Variants in OGA observed in about 807,000 individuals in gnomAD.
OGA encodes protein O-GlcNAcase.
Under a neutral mutation model 102.0 loss-of-function variants are expected in OGA, and 21 were observed. The observed-to-expected ratio is 0.21, with a 90% confidence interval of 0.15 to 0.30. OGA has a LOEUF of 0.30. OGA is among the 10% of genes least tolerant of loss of function. OGA has a pLI of 1.00. For synonymous variants in OGA, 408 were observed against 378.2 expected (o/e 1.08, Z -0.91); for missense variants, 765 against 1,107.8 (o/e 0.69, Z 4.39).
At chr10:101,815,871 A>G (rs2135102192) in intron 1 of OGA, among the ~76,000 whole-genome samples, 1 of 151,758 alleles carries the variant, frequency 6.6e-6, no homozygotes, top group Admixed American at 6.6e-5. Flanking sequence ...TGTGATGGAA[A>G]GAAAACAAAA....
At chr10:101,802,173 G>C (rs781453109) in intron 7 of OGA, among the ~76,000 whole-genome samples, 7 of 151,854 alleles carry the variant, frequency 4.6e-5, no homozygotes, top group Non-Finnish European at 8.8e-5. Flanking sequence ...TCAGTGTTCA[G>C]TGTTTTTAAC....
intron 1 of OGA, among the ~76,000 whole-genome samples, chr10:101,817,617 G>C (rs1012873567): frequency 3.9e-5 from 6 of 152,276 alleles, no homozygotes; most frequent in Admixed American, 3.9e-4. Flanking sequence ...GGTCAGACTT[G>C]TGAGTGGCCA....
In OGA at chr10:101,803,802, A is replaced by G; in HGVS notation, c.969T>C (p.Val323=). 6.2e-7 allele frequency: 1 copy of G among 1,614,170 alleles called. No individual in the cohort carries two copies. The highest frequency in any genetic ancestry group is 8.5e-7 in the Non-Finnish European group (1 of 1,179,994). The change falls in exon 7 of 16, where the codon GTT becomes GTC. Residue 323 remains valine (V), a synonymous_variant. Transcript: ENST00000361464. ...NPNCEFEANY[V]AIHTLATWYK... ...ACCAGGTGGCAAGGGTGTGGATAGC[A>G]ACGTAGTTGGCTTCAAATTCACAAT...
chr10:101,807,764 T>C lies in OGA; in HGVS notation c.618A>G (p.Leu206=). The C allele has an allele frequency of 6.2e-7, 1 of 1,607,608 alleles. No homozygotes were observed. The highest frequency in any genetic ancestry group is 8.5e-7 in the Non-Finnish European group (1 of 1,177,886). The change falls in exon 5 of 16, where the codon CTA becomes CTG. Residue 206 remains leucine (L), a synonymous_variant. Coordinates refer to ENST00000361464, the MANE Select transcript of OGA (RefSeq NM_012215.5). ...VSITNEIYQY[L]GEPETFLFCP... ...AGAAGAGGAAAGTTTCTGGCTCTCCTAGGTACTGATAGATTTCATTTGTGA... is the reference window on the plus strand; with the variant it reads ...AGAAGAGGAAAGTTTCTGGCTCTCCCAGGTACTGATAGATTTCATTTGTGA...
At chr10:101,811,216 C>T (rs1195771250) in intron 3 of OGA, among the ~76,000 whole-genome samples, 1 of 151,284 alleles carries the variant, frequency 6.6e-6, no homozygotes, top group Non-Finnish European at 1.5e-5. Flanking sequence ...TTGTGAAACC[C>T]CATCTCTACT....
intron 9 of OGA, 87 bp from the exon 10 acceptor site, chr10:101,798,241 G>T (rs1394854553): frequency 8.1e-7 from 1 of 1,230,496 alleles, no homozygotes; most frequent in African/African-American, 1.5e-5. Context: ...TGCTTATGTT[G>T]TCAGGTACTG....
chr10:101,793,490 T>C (rs536122368), intron 11 of OGA, among the ~76,000 whole-genome samples: 16 of 152,342 alleles, frequency 1.1e-4, no homozygotes, highest in Non-Finnish European at 1.9e-4. Flanking sequence ...TTTTCAGCAA[T>C]GGACAATTCT....
At position 101,806,038 on chromosome 10, in the gene OGA, G is replaced by A; in HGVS notation, c.751+7C>T. On this transcript the variant is annotated splice_region_variant and intron_variant, in intron 6 of 15. Transcript: ENST00000361464. ...AACTTTGACTGTATAAATCTTAAAA[G>A]ACTTACCTGTCCAAAGCACTTCAAT... The A allele has an allele frequency of 6.4e-7, 1 of 1,572,578 alleles. No homozygotes were observed. Among genetic ancestry groups the A allele is most frequent in the South Asian group, 1.1e-5 (1 of 90,290 alleles).
rs1417159171 is a variant in OGA, at chr10:101,817,905, C to T, written c.118G>A (p.Asp40Asn). ...EPPAAPAPGE[D>N]NPAGAGGAAV... is the part of the protein sequence containing the mutation. ...GCTCCCCCAGCCCCGGCGGGGTTGT[C>T]TTCTCCGGGTGCCGGAGCTGCCGGC... Residue 40 changes from aspartate (D) to asparagine (N), a missense_variant, in exon 1 of 16, where the codon GAC becomes AAC. Physicochemically the swap from Asp to Asn is conservative, Grantham distance 23. Transcript: ENST00000361464. 1.3e-6 allele frequency: 2 copies of T among 1,568,148 alleles called. No homozygotes were observed. The highest frequency in any genetic ancestry group is 1.8e-5 in the Admixed American group (1 of 54,976).
intron 6 of OGA, 109 bp downstream of exon 6, chr10:101,805,936 C>CA: frequency 2.9e-6 from 2 of 691,238 alleles, no homozygotes; most frequent in Non-Finnish European, 5.1e-6. Flanking sequence ...TCCTGGGCGA[C>CA]AGAGTGAGAC....
intron 12 of OGA, among the ~76,000 whole-genome samples, chr10:101,792,333 G>A (rs2065269625): frequency 6.6e-6 from 1 of 152,094 alleles, no homozygotes; most frequent in Non-Finnish European, 1.5e-5. Context: ...TAGAGAAAGG[G>A]TTTCACCATG....
chr10:101,793,836 C>T, intron 11 of OGA, 77 bp downstream of exon 11: 1 of 1,077,754 alleles, frequency 9.3e-7, no homozygotes, highest in Non-Finnish European at 1.4e-6. Context: ...CCAATCCTTC[C>T]AGCCATCTGA....
intron 6 of OGA, among the ~76,000 whole-genome samples, chr10:101,804,966 G>T (rs2065449093): frequency 6.6e-6 from 1 of 152,108 alleles, no homozygotes; most frequent in Non-Finnish European, 1.5e-5. Flanking sequence ...TAAAATAGAA[G>T]AGTTTCCTAA....
chr10:101,808,079 T>G (rs1470118759), intron 4 of OGA, among the ~76,000 whole-genome samples, 178 bp from the exon 5 acceptor site: 1 of 152,204 alleles, frequency 6.6e-6, no homozygotes, highest in Non-Finnish European at 1.5e-5. Flanking sequence ...GGGACCCATT[T>G]CTCATTTGGG....
chr10:101,810,942 T>C (rs2065545987), intron 3 of OGA, among the ~76,000 whole-genome samples: 1 of 151,810 alleles, frequency 6.6e-6, no homozygotes, highest in South Asian at 2.1e-4. Context: ...CCGCCTGCCT[T>C]AGCCTCTTAC....
chr10:101,816,250 G>A (rs1486335312), intron 1 of OGA, among the ~76,000 whole-genome samples: 3 of 152,164 alleles, frequency 2.0e-5, no homozygotes, highest in South Asian at 2.1e-4. Flanking sequence ...GCGACAGAGC[G>A]AGACTCCGTC....
chr10:101,809,316 C>T (rs2065517846), intron 4 of OGA, among the ~76,000 whole-genome samples: 1 of 152,206 alleles, frequency 6.6e-6, no homozygotes, highest in Non-Finnish European at 1.5e-5. Context: ...CCAAGCTTCA[C>T]TTCTAATCAT....
At chr10:101,790,869 T>C (rs2065253660) in intron 14 of OGA, 27 bp downstream of exon 14, 3 of 1,461,864 alleles carry the variant, frequency 2.1e-6, no homozygotes, top group East Asian at 4.7e-5. Flanking sequence ...ACCATTACCA[T>C]AGTATAATTC....
chr10:101,799,399 C>G lies in OGA; in HGVS notation c.1252G>C (p.Val418Leu), dbSNP rs1320032610. 1 of 1,614,122 alleles carries G rather than the reference C, an allele frequency of 6.2e-7. No homozygotes were observed. Among genetic ancestry groups the G allele is most frequent in the Non-Finnish European group, 8.5e-7 (1 of 1,179,978 alleles). The change falls in exon 9 of 16, where the codon GTT becomes CTT. Residue 418 changes from valine (V) to leucine (L), a missense_variant. Around this residue, in one of 7 missense-constraint regions of OGA, gnomAD observed 281 missense variants for 345.8 expected, o/e 0.81. Transcript: ENST00000361464. ...GTGGCATTTAAAGAGGGTGCTGCAACTAAAGGAGTCCCATCAACTACACTT... is the reference window on the plus strand; with the variant it reads ...GTGGCATTTAAAGAGGGTGCTGCAAGTAAAGGAGTCCCATCAACTACACTT... ...KASVVDGTPL[V>L]AAPSLNATTV...
Sources: allele counts gnomAD v4.1 joint callset (sites outside exome capture counted in the v4.1 genomes callset), GRCh38; gene constraint gnomAD v4.1.1; regional missense constraint gnomAD v4.1.1; transcripts MANE v1.5; gene names NCBI Gene and HGNC (gene_info 2026-07-23, HGNC 2026-07-21).